The following RDH13 variants were observed in gnomAD, a reference collection of about 807,000 sequenced individuals.
The protein encoded by RDH13 is retinol dehydrogenase 13.
In RDH13, 35 loss-of-function variants were observed where a neutral mutation model predicts 28.3. That is an observed-to-expected ratio of 1.24 (90% CI 0.95 to 1.64). The LOEUF is 1.64. Ranked by LOEUF, RDH13 falls within the 40% of genes most tolerant of loss-of-function variation. The probability of loss-of-function intolerance (pLI) is 0.00; values close to 1 mark genes in which losing one functional copy is unlikely to be tolerated. For missense variants in RDH13, 514 were observed against 446.3 expected (o/e 1.15, Z -1.37); for synonymous variants, 229 against 198.5 (o/e 1.15, Z -1.29).
At chr19:55,066,491 C>T (rs547152680), upstream of RDH13, among the ~76,000 whole-genome samples, 245 of 69,020 alleles carry the variant, frequency 3.5e-3, 3 homozygotes, top group East Asian at 6.1e-3. Flanking sequence ...GTCCTCTTTT[C>T]TCTCTCTCTC....
chr19:55,045,194 T>C lies in RDH13; in HGVS notation c.876A>G (p.Lys292=), dbSNP rs754045455. Residue 292 remains lysine, a synonymous_variant, in exon 7 of 7, where the codon AAA becomes AAG. Coordinates refer to ENST00000415061, the MANE Select transcript of RDH13 (RefSeq NM_001145971.2). ...DVSGKYFDGL[K]QKAPAPEAED... is the part of the protein sequence containing the mutation. ...CAGCCTCGGGGGCCGGGGCCTTCTGTTTGAGTCCATCGAAGTACTTTCCGG... is the reference window on the plus strand; with the variant it reads ...CAGCCTCGGGGGCCGGGGCCTTCTGCTTGAGTCCATCGAAGTACTTTCCGG... The C allele has an allele frequency of 8.1e-6, 13 of 1,613,598 alleles. No individual in the cohort carries two copies. The South Asian group carries it at 1.3e-4, about 16-fold the overall frequency.
Position 55,063,044 on chromosome 19 carries a change from G to T in RDH13, c.-12C>A, listed in dbSNP as rs1654456. On this transcript the variant is annotated 5_prime_UTR_variant, in exon 1 of 7. Transcript: ENST00000415061. ...AGGTAGCGGCTCATGCCGGGCCGGG[G>T]ACAGGCGTCAGGCGTCAGGGGTCGG... is the stretch of plus-strand genomic sequence containing the variant. The T allele has an allele frequency of 0.44, 603,440 of 1,378,572 alleles. 136,181 individuals are homozygous for T. The highest frequency in any genetic ancestry group is 0.47 in the Non-Finnish European group (499,959 of 1,071,532). 85.4% of individuals were successfully genotyped at this position (1,378,572 alleles called of 1,614,324 possible).
upstream of RDH13, among the ~76,000 whole-genome samples, chr19:55,065,070 T>C (rs1192055667): frequency 6.6e-6 from 1 of 150,974 alleles, no homozygotes; most frequent in African/African-American, 2.4e-5. Context: ...ACTTTATGCA[T>C]AGTTTACCAA....
At chr19:55,050,375 A>T (rs947363602) in intron 3 of RDH13, among the ~76,000 whole-genome samples, 1 of 152,122 alleles carries the variant, frequency 6.6e-6, no homozygotes, top group African/African-American at 2.4e-5. Context: ...TCAGCCTCCC[A>T]AAGTGCTGGG....
rs2075154518 is a variant in RDH13 at position 55,044,932 on chromosome 19, C to T, written c.*142G>A. On this transcript the variant is annotated 3_prime_UTR_variant, in exon 7 of 7. Transcript: ENST00000415061. ...GCAGGCCAGTCCACTGCGGCCAGCA[C>T]CGCCCCCTAGAACCTACTGCGGGCA... 5 of 639,734 alleles carry T rather than the reference C, an allele frequency of 7.8e-6. No homozygotes were observed. The highest frequency in any genetic ancestry group is 2.8e-5 in the East Asian group (1 of 36,284). The allele number at this position is 639,734 out of a possible 1,614,324, so 39.6% of individuals were successfully genotyped here.
chr19:55,057,938 C>G (rs375528287), intron 2 of RDH13, among the ~76,000 whole-genome samples: 2 of 151,816 alleles, frequency 1.3e-5, no homozygotes, highest in East Asian at 2.0e-4. Flanking sequence ...CCTGTGCCAG[C>G]ATGCCTGGCT....
intron 3 of RDH13, chr19:55,051,032 A>T (rs73932281): frequency 6.7e-6 from 1 of 149,640 alleles, no homozygotes; most frequent in African/African-American, 2.5e-5. Context: ...AAAAAGGATA[A>T]TAACATCACC....
chr19:55,051,413 T>G (rs2075428421), intron 3 of RDH13, among the ~76,000 whole-genome samples: 1 of 150,036 alleles, frequency 6.7e-6, no homozygotes, highest in Admixed American at 6.7e-5. Flanking sequence ...TTCTGGTGTT[T>G]TGTTTTGGTT....
At chr19:55,047,697 G>A (rs1433886840) in intron 5 of RDH13, among the ~76,000 whole-genome samples, 1 of 152,200 alleles carries the variant, frequency 6.6e-6, no homozygotes, top group Non-Finnish European at 1.5e-5. Flanking sequence ...AGCTTTCCTG[G>A]AGGGCTTCAT....
At chr19:55,050,946 C>T (rs2075409210) in intron 3 of RDH13, 1 of 151,232 alleles carries the variant, frequency 6.6e-6, no homozygotes, top group African/African-American at 2.4e-5. Context: ...GGCTCCACCC[C>T]GACCAGCTGC....
chr19:55,050,276 G>A (rs991685920), intron 3 of RDH13, among the ~76,000 whole-genome samples: 6 of 151,522 alleles, frequency 4.0e-5, no homozygotes, highest in South Asian at 2.1e-4. Context: ...CCACCACACC[G>A]GGTTAATTTT....
At chr19:55,063,353 T>C (rs531835517), upstream of RDH13, 14 of 340,380 alleles carry the variant, frequency 4.1e-5, no homozygotes, top group South Asian at 6.6e-4. Flanking sequence ...TGCCGCAGCG[T>C]ATAAGGCGCT....
chr19:55,054,127 A>C (rs558772250), intron 3 of RDH13, among the ~76,000 whole-genome samples: 1 of 152,334 alleles, frequency 6.6e-6, no homozygotes, highest in Non-Finnish European at 1.5e-5. Flanking sequence ...GCACAAGGAC[A>C]GCTCTGGTTC....
downstream of RDH13, chr19:55,041,714 C>T (rs959203227): frequency 2.0e-5 from 3 of 152,260 alleles, no homozygotes; most frequent in African/African-American, 7.2e-5. Context: ...GCCGTGACGA[C>T]TCCGCGGCAG....
At chr19:55,039,449 G>A (rs143863093), downstream of RDH13, 1 of 152,234 alleles carries the variant, frequency 6.6e-6, no homozygotes, top group Non-Finnish European at 1.5e-5. Context: ...TTGGGAGACG[G>A]AGGCATGAGA....
At chr19:55,052,190 G>A (rs147794376) in intron 3 of RDH13, among the ~76,000 whole-genome samples, 2,095 of 149,764 alleles carry the variant, frequency 0.014, 12 homozygotes, top group Non-Finnish European at 0.017. Flanking sequence ...AGGCCGAGGC[G>A]GGCAGATCAC....
At chr19:55,061,787 T>C (rs777832388) in intron 1 of RDH13, among the ~76,000 whole-genome samples, 1 of 120,946 alleles carries the variant, frequency 8.3e-6, no homozygotes. Flanking sequence ...AGAGACCCTG[T>C]CTCCAAAAAA....
rs55805642 is a variant in RDH13 at position 55,063,064 on chromosome 19, G to GTCAGGC, written c.-33_-32insGCCTGA. 3 of 1,203,838 alleles carry GTCAGGC rather than the reference G, an allele frequency of 2.5e-6. No individual in the cohort carries two copies. Among genetic ancestry groups the GTCAGGC allele is most frequent in the South Asian group, 2.2e-5 (1 of 46,026 alleles). 74.6% of individuals were successfully genotyped at this position (1,203,838 alleles called of 1,614,324 possible). A position where few individuals can be genotyped will look rare whatever the true frequency, so the allele number is the denominator to read the frequency against. ...CCGGGGACAGGCGTCAGGCGTCAGG[G>GTCAGGC]GTCGGCGCGGAGCTTGCTGCACACC... On this transcript the variant is annotated 5_prime_UTR_variant, in exon 1 of 7. Coordinates refer to ENST00000415061, the MANE Select transcript of RDH13 (RefSeq NM_001145971.2).
chr19:55,051,797 AT>A (rs1181412175), intron 3 of RDH13, among the ~76,000 whole-genome samples: 1 of 150,254 alleles, frequency 6.7e-6, no homozygotes, highest in Non-Finnish European at 1.5e-5. Flanking sequence ...CAGTGGCGCG[AT>A]CTCAGCTCAC....
Sources: gnomAD v4.1 joint callset for allele counts (sites outside exome capture counted in the v4.1 genomes callset) on GRCh38, gnomAD v4.1.1 for gene constraint, MANE v1.5 for transcripts, NCBI Gene and HGNC (gene_info 2026-07-23, HGNC 2026-07-21) for gene names.